The following SP140 variants were observed in gnomAD, a reference collection of about 807,000 sequenced individuals.
The protein encoded by SP140 is nuclear body protein SP140.
In SP140, 81 loss-of-function variants were observed where a neutral mutation model predicts 125.0. The observed-to-expected ratio is 0.65, with a 90% CI of 0.54 to 0.78. SP140 has a LOEUF of 0.78. SP140 is among the 30% of genes least tolerant of loss of function. SP140 has a pLI of 0.00. For missense variants in SP140, 858 were observed against 1,037.0 expected, an observed-to-expected ratio of 0.83 and a Z score of 2.37; for synonymous variants, 312 against 354.0, an observed-to-expected ratio of 0.88 and a Z score of 1.33.
intron 3 of SP140, among the ~76,000 whole-genome samples, chr2:230,240,991 A>T (rs950614029): frequency 6.6e-6 from 1 of 152,214 alleles, no homozygotes; most frequent in African/African-American, 2.4e-5. Context: ...CTGTTATCAC[A>T]TAGAGCAACA....
the SP140 span, among the ~76,000 whole-genome samples, chr2:230,189,520 A>G: frequency 6.6e-6 from 1 of 152,136 alleles, no homozygotes; most frequent in African/African-American, 2.4e-5. Context: ...GTTGATTTCT[A>G]GTTTTATTCC....
At chr2:230,221,056 G>C (rs192822768), upstream of SP140, among the ~76,000 whole-genome samples, 3 of 152,104 alleles carry the variant, frequency 2.0e-5, no homozygotes, top group Non-Finnish European at 4.4e-5. Context: ...GCTGAGATGG[G>C]TGGATCACAA....
intron 1 of SP140, chr2:230,212,657 G>T: frequency 3.4e-6 from 5 of 1,459,562 alleles, no homozygotes; most frequent in Non-Finnish European, 4.8e-6. Flanking sequence ...GGGTGCAAGA[G>T]AAGAACTAGG....
At chr2:230,207,058 C>A (rs2043943474) in intron 1 of SP140, among the ~76,000 whole-genome samples, 1 of 152,068 alleles carries the variant, frequency 6.6e-6, no homozygotes, top group African/African-American at 2.4e-5. Flanking sequence ...GTTTCTCTGG[C>A]CTTTGGAAAG....
chr2:230,238,744 A>G, intron 3 of SP140: 1 of 1,534,500 alleles, frequency 6.5e-7, no homozygotes, highest in Non-Finnish European at 8.8e-7. Flanking sequence ...AAGATAAAAC[A>G]ATTTTCTTTG....
At position 230,290,514 on chromosome 2, in the gene SP140, T is replaced by C. The variant is rs1240257404; in HGVS notation, c.1775T>C (p.Val592Ala). The C allele has an allele frequency of 6.2e-7, 1 of 1,613,932 alleles. No homozygotes were observed. The highest frequency in any genetic ancestry group is 1.3e-5 in the African/African-American group (1 of 74,926). Residue 592 changes from valine to alanine, a missense_variant, in exon 19 of 27, where the codon GTG (valine) becomes GCG (alanine). Around this residue, in one of 4 missense-constraint regions of SP140, gnomAD observed 791 missense variants for 869.5 expected, o/e 0.91. Transcript: ENST00000392045. ...GATTTTAAGGCTCCTTTGCTTCCAG[T>C]GACCTGTGGTGGGGTGAAGGGAATT... ...TVDFKAPLLP[V>A]TCGGVKGILH...
chr2:230,187,114 C>T, the SP140 span, among the ~76,000 whole-genome samples: 106 of 152,256 alleles, frequency 7.0e-4, no homozygotes, highest in African/African-American at 2.4e-3. Context: ...TTTGCACTCC[C>T]ACCAGCAGTG....
At chr2:230,306,980 G>T (rs1247116076) in intron 22 of SP140, among the ~76,000 whole-genome samples, 1 of 152,226 alleles carries the variant, frequency 6.6e-6, no homozygotes, top group Non-Finnish European at 1.5e-5. Flanking sequence ...TCAAAGGCCT[G>T]CTCATGGTAA....
chr2:230,206,055 G>A (rs1041267053), intron 1 of SP140, among the ~76,000 whole-genome samples: 11 of 152,220 alleles, frequency 7.2e-5, no homozygotes, highest in South Asian at 6.2e-4. Context: ...TTCTTAGAAT[G>A]GAATCATTTC....
At chr2:230,220,110 C>T in intron 3 of SP140, 1 of 983,958 alleles carries the variant, frequency 1.0e-6, no homozygotes, top group Non-Finnish European at 1.2e-6. Context: ...CTCATGGGCA[C>T]TTGTGAGGCT....
upstream of SP140, chr2:230,221,802 A>G (rs1025361572): frequency 2.4e-5 from 32 of 1,314,044 alleles, no homozygotes; most frequent in African/African-American, 3.6e-4. Flanking sequence ...GAGATACACC[A>G]GGCAAATGCA....
chr2:230,198,935 C>A (rs545224972), upstream of SP140, among the ~76,000 whole-genome samples: 3 of 152,048 alleles, frequency 2.0e-5, no homozygotes, highest in African/African-American at 7.2e-5. Context: ...GGAGGTGTGC[C>A]CTTCTTTGAC....
intron 20 of SP140, 75 bp downstream of exon 20, chr2:230,292,863 A>C (rs2057290975): frequency 2.5e-6 from 4 of 1,597,210 alleles, no homozygotes; most frequent in Admixed American, 1.7e-5. Flanking sequence ...TATTCACCAA[A>C]TATTTGTTAG....
intron 19 of SP140, 64 bp downstream of exon 19, chr2:230,290,628 T>G: frequency 7.5e-7 from 1 of 1,331,298 alleles, no homozygotes; most frequent in Non-Finnish European, 1.1e-6. Flanking sequence ...TAGTGGGGAA[T>G]TATCATGTGA....
chr2:230,253,908 C>T (rs896935723), intron 11 of SP140, among the ~76,000 whole-genome samples: 3 of 152,092 alleles, frequency 2.0e-5, no homozygotes, highest in African/African-American at 4.8e-5. Context: ...ACAGCCCCTG[C>T]GTAAACGGAA....
At chr2:230,226,199 A>T (rs1033734064) in intron 1 of SP140, among the ~76,000 whole-genome samples, 1 of 151,922 alleles carries the variant, frequency 6.6e-6, no homozygotes, top group Non-Finnish European at 1.5e-5. Flanking sequence ...ATTCCCCGTG[A>T]CCTCTGAACC....
chr2:230,290,986 G>A (rs530436106), intron 19 of SP140, among the ~76,000 whole-genome samples: 7 of 152,310 alleles, frequency 4.6e-5, no homozygotes, highest in Admixed American at 3.9e-4. Flanking sequence ...AGCCTTTGCT[G>A]TTTCAGGAGT....
intron 4 of SP140, among the ~76,000 whole-genome samples, chr2:230,242,543 T>C (rs16826917): frequency 0.048 from 7,286 of 150,824 alleles, 504 homozygotes; most frequent in African/African-American, 0.16. Flanking sequence ...GGACCTTTAC[T>C]CAAGGGTCAG....
At chr2:230,308,886 A>G (rs889399342) in intron 22 of SP140, among the ~76,000 whole-genome samples, 5 of 152,220 alleles carry the variant, frequency 3.3e-5, no homozygotes, top group African/African-American at 4.8e-5. Flanking sequence ...TAGTCCTTAC[A>G]GCACTTTTCA....
Sources: allele counts gnomAD v4.1 joint callset (sites outside exome capture counted in the v4.1 genomes callset), GRCh38; gene constraint gnomAD v4.1.1; regional missense constraint gnomAD v4.1.1; transcripts MANE v1.5; gene names NCBI Gene and HGNC (gene_info 2026-07-23, HGNC 2026-07-21).